The following ARL15 variants were observed in gnomAD, a reference collection of about 807,000 sequenced individuals.
ARL15 encodes ARF like GTPase 15.
ARL15 carries 19 observed loss-of-function variants against 25.2 expected under a neutral mutation model. That is an observed-to-expected ratio of 0.75 (90% CI 0.53 to 1.10). The LOEUF is 1.10. ARL15 is among the 50% of genes least tolerant of loss of function. The pLI, the probability that ARL15 is intolerant of heterozygous loss-of-function variation, is 0.00. For missense variants in ARL15, 220 were observed against 246.0 expected (o/e 0.89, Z 0.71); for synonymous variants, 94 against 86.8 (o/e 1.08, Z -0.46).
chr5:54,111,381 T>C (rs969658032), intron 4 of ARL15, among the ~76,000 whole-genome samples: 7 of 152,036 alleles, frequency 4.6e-5, no homozygotes, highest in Non-Finnish European at 7.4e-5. Context: ...AGATATTTGC[T>C]CTTTACCTAG....
At chr5:53,994,715 A>G (rs1748612817) in intron 4 of ARL15, among the ~76,000 whole-genome samples, 1 of 152,192 alleles carries the variant, frequency 6.6e-6, no homozygotes, top group Non-Finnish European at 1.5e-5. Flanking sequence ...TCACATCTAA[A>G]TGTAGGCCAT....
chr5:54,051,339 T>C (rs1159989857), intron 4 of ARL15, among the ~76,000 whole-genome samples: 1 of 152,216 alleles, frequency 6.6e-6, no homozygotes, highest in Non-Finnish European at 1.5e-5. Context: ...GGCTGGAGTT[T>C]GAAGTTAAGT....
chr5:54,087,171 C>T (rs555204469), intron 4 of ARL15, among the ~76,000 whole-genome samples: 1 of 152,146 alleles, frequency 6.6e-6, no homozygotes, highest in Non-Finnish European at 1.5e-5. Context: ...CCCGTCGCTA[C>T]TAAAAAATTA....
intron 4 of ARL15, among the ~76,000 whole-genome samples, chr5:53,924,333 T>C (rs1745952858): frequency 6.6e-6 from 1 of 152,226 alleles, no homozygotes; most frequent in East Asian, 1.9e-4. Flanking sequence ...TATTCCCAAT[T>C]TTGTTGATTA....
chr5:53,903,285 T>C (rs751237448), intron 4 of ARL15, among the ~76,000 whole-genome samples: 8 of 152,204 alleles, frequency 5.3e-5, no homozygotes, highest in Non-Finnish European at 1.2e-4. Context: ...TTGTCATCCA[T>C]GACTAGTTGA....
intron 4 of ARL15, among the ~76,000 whole-genome samples, chr5:53,980,282 A>G (rs564103234): frequency 6.6e-6 from 1 of 152,366 alleles, no homozygotes; most frequent in South Asian, 2.1e-4. Flanking sequence ...AAGCAGTGCC[A>G]GCATTGTGCT....
intron 4 of ARL15, among the ~76,000 whole-genome samples, chr5:54,035,795 A>C (rs2111918373): frequency 6.6e-6 from 1 of 152,326 alleles, no homozygotes; most frequent in Non-Finnish European, 1.5e-5. Flanking sequence ...CTTTCAATAG[A>C]AATTGACTAT....
At chr5:54,248,407 T>G (rs6450181) in intron 1 of ARL15, among the ~76,000 whole-genome samples, 98,272 of 152,066 alleles carry the variant, frequency 0.65, 32,867 homozygotes, top group Non-Finnish European at 0.74. Context: ...GCTGTTCACT[T>G]ACTAACCAAG....
At chr5:53,899,573 A>G (rs944714854) in intron 4 of ARL15, among the ~76,000 whole-genome samples, 2 of 151,840 alleles carry the variant, frequency 1.3e-5, no homozygotes, top group Non-Finnish European at 2.9e-5. Context: ...CAAACATTTA[A>G]TTTTAATGGC....
At chr5:53,902,050 G>C (rs1453561768) in intron 4 of ARL15, among the ~76,000 whole-genome samples, 3 of 152,128 alleles carry the variant, frequency 2.0e-5, no homozygotes, top group Non-Finnish European at 2.9e-5. Context: ...ATCCCTCTAA[G>C]ACCTTACAAA....
chr5:54,004,273 T>C (rs939154651), intron 4 of ARL15, among the ~76,000 whole-genome samples: 3 of 152,060 alleles, frequency 2.0e-5, no homozygotes, highest in African/African-American at 7.2e-5. Flanking sequence ...GGCAGGCAGA[T>C]CACGAGGTCA....
intron 2 of ARL15, among the ~76,000 whole-genome samples, chr5:54,164,911 C>T (rs1007570817): frequency 7.9e-5 from 12 of 151,520 alleles, no homozygotes; most frequent in African/African-American, 2.7e-4. Context: ...TACTTGTTTC[C>T]TATTTGTTTC....
chr5:53,894,843 T>G (rs1442402460), intron 4 of ARL15, among the ~76,000 whole-genome samples: 1 of 152,174 alleles, frequency 6.6e-6, no homozygotes, highest in Non-Finnish European at 1.5e-5. Context: ...CTCAAGGGGA[T>G]CGCTTATGAT....
At position 54,143,627 on chromosome 5, in the gene ARL15, ATTTC is replaced by A. The variant is rs1003227544; in HGVS notation, c.253+10949_253+10952del. On this transcript the variant is annotated intron_variant, in intron 3 of 4. Transcript: ENST00000504924. ...TTATCACAACTTTTTTGATTGTTTT[ATTTC>A]TTTCTTTCTTGAACTTTGCTAAATG... is the stretch of plus-strand genomic sequence containing the variant. Among the ~76,000 whole-genome samples, 12 of 151,794 alleles carry A rather than the reference ATTTC, an allele frequency of 7.9e-5. 1 individual carries two copies. The highest frequency in any genetic ancestry group is 2.9e-4 in the African/African-American group (12 of 41,472).
At chr5:54,054,170 G>A (rs771365649) in intron 4 of ARL15, among the ~76,000 whole-genome samples, 8 of 152,016 alleles carry the variant, frequency 5.3e-5, no homozygotes, top group South Asian at 2.1e-4. Flanking sequence ...CCGGTACCTC[G>A]CCCCCACCTA....
At chr5:54,232,834 C>T (rs1400393809) in intron 1 of ARL15, among the ~76,000 whole-genome samples, 8 of 152,216 alleles carry the variant, frequency 5.3e-5, no homozygotes, top group Non-Finnish European at 1.5e-5. Context: ...TGCCCTCATA[C>T]ACCATCCTTG....
intron 4 of ARL15, among the ~76,000 whole-genome samples, chr5:54,031,845 T>G (rs1750002595): frequency 6.6e-6 from 1 of 152,152 alleles, no homozygotes; most frequent in African/African-American, 2.4e-5. Context: ...CACACTAGAT[T>G]TGTGATATCA....
At chr5:54,246,127 A>G (rs765532272) in intron 1 of ARL15, among the ~76,000 whole-genome samples, 2 of 133,096 alleles carry the variant, frequency 1.5e-5, no homozygotes, top group Non-Finnish European at 3.3e-5. Flanking sequence ...GTCTATAAAG[A>G]TCTTCACTCA....
At chr5:54,051,288 G>A (rs1266030215) in intron 4 of ARL15, among the ~76,000 whole-genome samples, 2 of 152,204 alleles carry the variant, frequency 1.3e-5, no homozygotes, top group Non-Finnish European at 2.9e-5. Context: ...GGTCTTAAGA[G>A]TATATAACTT....
Sources: gnomAD v4.1 joint callset for allele counts (sites outside exome capture counted in the v4.1 genomes callset) on GRCh38, gnomAD v4.1.1 for gene constraint, MANE v1.5 for transcripts, NCBI Gene and HGNC (gene_info 2026-07-23, HGNC 2026-07-21) for gene names.